SDK1: variants seen among roughly 807,000 people sequenced by gnomAD.
The protein encoded by SDK1 is sidekick cell adhesion molecule 1.
In SDK1, 157 loss-of-function variants were observed where a neutral mutation model predicts 245.5. The observed-to-expected ratio is 0.64, with a 90% CI of 0.56 to 0.73. The LOEUF (loss-of-function observed/expected upper bound fraction) is 0.73, where lower values mean the gene tolerates loss of function less well. Ranked by LOEUF, SDK1 falls within the 30% of genes least tolerant of loss-of-function variation. The pLI is 0.00. For missense variants in SDK1, 3,583 were observed against 3,002.3 expected, an observed-to-expected ratio of 1.19 and a Z score of -4.52; for synonymous variants, 1,647 against 1,278.5, an observed-to-expected ratio of 1.29 and a Z score of -6.15.
At chr7:4,028,077 A>G (rs1787499307) in intron 17 of SDK1, among the ~76,000 whole-genome samples, 1 of 152,140 alleles carries the variant, frequency 6.6e-6, no homozygotes, top group Admixed American at 6.5e-5. Context: ...GCAAATTGAC[A>G]GTGGTGGTTC....
intron 4 of SDK1, among the ~76,000 whole-genome samples, chr7:3,731,375 G>T (rs982470198): frequency 6.6e-6 from 1 of 152,146 alleles, no homozygotes; most frequent in African/African-American, 2.4e-5. Flanking sequence ...ACCGTGCCCC[G>T]AGTCAGCGTG....
intron 5 of SDK1, among the ~76,000 whole-genome samples, chr7:3,828,271 C>T (rs954811427): frequency 3.3e-5 from 5 of 151,642 alleles, no homozygotes; most frequent in Non-Finnish European, 7.4e-5. Flanking sequence ...GAGCAAGACT[C>T]TCAAAAAAAC....
chr7:3,678,380 G>A (rs1051781947), intron 4 of SDK1, among the ~76,000 whole-genome samples: 6 of 152,192 alleles, frequency 3.9e-5, no homozygotes, highest in African/African-American at 1.2e-4. Context: ...GTGTCCATCA[G>A]CAGATGAATG....
chr7:4,191,216 C>T (rs1010735396), intron 35 of SDK1, among the ~76,000 whole-genome samples: 4 of 151,844 alleles, frequency 2.6e-5, no homozygotes, highest in East Asian at 1.9e-4. Flanking sequence ...GCCGCAGTCA[C>T]GGTGGGTGTC....
chr7:3,913,139 G>A (rs575859006), intron 5 of SDK1, among the ~76,000 whole-genome samples: 9 of 152,236 alleles, frequency 5.9e-5, no homozygotes, highest in Middle Eastern at 6.8e-3. Context: ...AAGGGGTACC[G>A]GGGGCCCTGC....
chr7:3,552,669 G>A (rs1001638075), intron 1 of SDK1, among the ~76,000 whole-genome samples: 2 of 152,160 alleles, frequency 1.3e-5, no homozygotes, highest in Non-Finnish European at 2.9e-5. Flanking sequence ...CCTTATTCAT[G>A]GCTGTGAATC....
At chr7:3,806,034 A>G (rs1779234302) in intron 4 of SDK1, among the ~76,000 whole-genome samples, 1 of 152,136 alleles carries the variant, frequency 6.6e-6, no homozygotes, top group Non-Finnish European at 1.5e-5. Flanking sequence ...CACAAACTGC[A>G]TGATAATGCC....
Position 3,950,992 on chromosome 7 carries a change from C to T in SDK1, c.917C>T (p.Ala306Val). 1 of 1,614,080 alleles carries T rather than the reference C, an allele frequency of 6.2e-7. No individual in the cohort carries two copies. The highest frequency in any genetic ancestry group is 8.5e-7 in the Non-Finnish European group (1 of 1,179,966). ...VVPPGNRSVV[A>V]GSSETTLECI... ...CCCCCGGGCAACAGAAGTGTGGTGG[C>T]TGGATCCAGTGAGACCACCTTGGAA... The change falls in exon 6 of 45, where the codon GCT becomes GTT. Residue 306 changes from alanine (A) to valine (V), a missense_variant. Physicochemically the swap from Ala to Val is moderately conservative, Grantham distance 64. Transcript: ENST00000404826.
intron 4 of SDK1, among the ~76,000 whole-genome samples, chr7:3,719,011 A>T (rs945184568): frequency 1.3e-5 from 2 of 152,176 alleles, no homozygotes; most frequent in Non-Finnish European, 2.9e-5. Flanking sequence ...CAATAATACA[A>T]TGCCATTTAT....
intron 2 of SDK1, among the ~76,000 whole-genome samples, chr7:3,633,864 A>T (rs754063328): frequency 1.3e-5 from 2 of 152,006 alleles, no homozygotes; most frequent in Non-Finnish European, 2.9e-5. Context: ...GTCACTCTGG[A>T]ACTGGTCCTC....
intron 1 of SDK1, among the ~76,000 whole-genome samples, chr7:3,560,338 T>C (rs777020013): frequency 1.3e-5 from 2 of 152,204 alleles, no homozygotes; most frequent in Non-Finnish European, 2.9e-5. Flanking sequence ...CTTTATTTCA[T>C]CTCTGTAATT....
chr7:3,952,412 G>A (rs1366548564), intron 7 of SDK1, among the ~76,000 whole-genome samples: 12 of 152,090 alleles, frequency 7.9e-5, no homozygotes, highest in Middle Eastern at 3.2e-3. Context: ...AATCCCGCCC[G>A]TCTCTACTAA....
At chr7:3,780,391 A>C (rs993372267) in intron 4 of SDK1, among the ~76,000 whole-genome samples, 4 of 152,230 alleles carry the variant, frequency 2.6e-5, no homozygotes, top group Admixed American at 2.6e-4. Flanking sequence ...GTCAGGTAGA[A>C]ACAAAGAAAG....
intron 1 of SDK1, among the ~76,000 whole-genome samples, chr7:3,539,925 C>A (rs1050758054): frequency 3.3e-5 from 5 of 152,158 alleles, no homozygotes; most frequent in African/African-American, 9.7e-5. Flanking sequence ...GGAGCTGTTG[C>A]CAGCTGCAGC....
At chr7:4,221,386 AC>A in intron 40 of SDK1, 22 bp downstream of exon 40, 1 of 1,590,260 alleles carries the variant, frequency 6.3e-7, no homozygotes, top group Non-Finnish European at 8.6e-7. Flanking sequence ...GGCCCCACAA[AC>A]GGGGTCTCAG....
intron 4 of SDK1, among the ~76,000 whole-genome samples, chr7:3,804,649 A>G (rs1779194876): frequency 6.6e-6 from 1 of 152,224 alleles, no homozygotes; most frequent in Non-Finnish European, 1.5e-5. Flanking sequence ...GCCTGTTCGG[A>G]CAAAACCAGT....
chr7:3,818,040 C>T (rs947075300), intron 4 of SDK1, among the ~76,000 whole-genome samples: 6 of 152,196 alleles, frequency 3.9e-5, no homozygotes, highest in African/African-American at 1.2e-4. Flanking sequence ...TGTCTTCTCC[C>T]GAGCGGCAGC....
chr7:3,383,282 G>T (rs780625771), intron 1 of SDK1, among the ~76,000 whole-genome samples: 130 of 152,208 alleles, frequency 8.5e-4, no homozygotes, highest in Non-Finnish European at 1.5e-3. Context: ...GTGGTGGCAT[G>T]TGCCTGTGGT....
At chr7:3,672,204 C>T (rs1583292828) in intron 4 of SDK1, among the ~76,000 whole-genome samples, 2 of 152,118 alleles carry the variant, frequency 1.3e-5, no homozygotes, top group South Asian at 4.2e-4. Flanking sequence ...GGGAGGCAGC[C>T]GATGCTGCTG....
Sources: gnomAD v4.1 joint callset for allele counts (sites outside exome capture counted in the v4.1 genomes callset) on GRCh38, gnomAD v4.1.1 for gene constraint, MANE v1.5 for transcripts, NCBI Gene and HGNC (gene_info 2026-07-23, HGNC 2026-07-21) for gene names.